The following MAP1B variants were observed in gnomAD, a reference collection of about 807,000 sequenced individuals.
MAP1B encodes the protein microtubule-associated protein 1B.
In MAP1B, 12 loss-of-function variants were observed where a neutral mutation model predicts 176.1. The ratio of observed to expected loss-of-function variants is 0.07; its 90% CI spans 0.04 to 0.11. The LOEUF (loss-of-function observed/expected upper bound fraction) is 0.11. Among genes scored for constraint, MAP1B ranks in the 10% least tolerant of loss-of-function variants. MAP1B has a pLI of 1.00. For synonymous variants in MAP1B, 1,044 were observed against 1,135.0 expected (o/e 0.92, Z 1.61); for missense variants, 2,523 against 2,990.5 (o/e 0.84, Z 3.65).
chr5:72,123,900 A>G (rs1745575796), intron 2 of MAP1B, among the ~76,000 whole-genome samples: 1 of 152,090 alleles, frequency 6.6e-6, no homozygotes, highest in African/African-American at 2.4e-5. Context: ...CAAAGTGTTG[A>G]GATTACAGGT....
chr5:72,133,416 C>T (rs1193448688), intron 2 of MAP1B, among the ~76,000 whole-genome samples: 1 of 152,178 alleles, frequency 6.6e-6, no homozygotes. Context: ...CTTCTTTTTC[C>T]TGTCTTGCAT....
intron 2 of MAP1B, among the ~76,000 whole-genome samples, chr5:72,126,647 T>C (rs931606993): frequency 6.6e-6 from 1 of 152,242 alleles, no homozygotes; most frequent in Admixed American, 6.5e-5. Flanking sequence ...GTCTCATCAC[T>C]CGTATGTAGA....
At chr5:72,200,772 G>GGTTTCCA (rs1747317779) in intron 5 of MAP1B, among the ~76,000 whole-genome samples, 1 of 152,192 alleles carries the variant, frequency 6.6e-6, no homozygotes, top group Non-Finnish European at 1.5e-5. Flanking sequence ...AGGAGAACCA[G>GGTTTCCA]AGGTTTCACA....
intron 2 of MAP1B, among the ~76,000 whole-genome samples, chr5:72,123,629 C>T (rs905482466): frequency 2.0e-4 from 30 of 152,058 alleles, no homozygotes; most frequent in African/African-American, 1.2e-4. Context: ...GGACTACAGG[C>T]GCCCGCCACG....
intron 2 of MAP1B, among the ~76,000 whole-genome samples, chr5:72,148,500 A>G (rs971237504): frequency 6.6e-6 from 1 of 152,240 alleles, no homozygotes; most frequent in Non-Finnish European, 1.5e-5. Context: ...CATCAGAACC[A>G]CTTGGTAGGG....
chr5:72,203,497 A>G, intron 5 of MAP1B, 66 bp from the exon 6 acceptor site: 1 of 1,127,620 alleles, frequency 8.9e-7, no homozygotes, highest in Non-Finnish European at 1.3e-6. Context: ...AGTGGGGAAC[A>G]TGTGCTGGAT....
In MAP1B at chr5:72,197,889, T is replaced by C. The variant is rs1300333860; in HGVS notation, c.4534T>C (p.Ser1512Pro). The change falls in exon 5 of 7, where the codon TCT (serine) becomes CCT (proline). Residue 1512 changes from serine (S) to proline (P), a missense_variant. Ser to Pro is a moderately conservative substitution (Grantham distance 74). Around this residue, in one of 4 missense-constraint regions of MAP1B, gnomAD observed 1,925 missense variants for 2,126.0 expected, o/e 0.91. Coordinates refer to ENST00000296755, the MANE Select transcript of MAP1B (RefSeq NM_005909.5). ...PTQIDVSQFGSFKEDTKMSIS... is the reference protein window; with the variant it reads ...PTQIDVSQFGPFKEDTKMSIS... Reference sequence around the variant, plus strand: ...ACAAATAGATGTCAGTCAGTTTGGATCTTTTAAAGAAGACACTAAGATGTC... The same window carrying C: ...ACAAATAGATGTCAGTCAGTTTGGACCTTTTAAAGAAGACACTAAGATGTC... 6.2e-7 allele frequency: 1 copy of C among 1,614,234 alleles called. No individual in the cohort carries two copies. Among genetic ancestry groups the C allele is most frequent in the Admixed American group, 1.7e-5 (1 of 60,030 alleles).
intron 2 of MAP1B, chr5:72,179,870 G>A: frequency 1.0e-6 from 1 of 985,488 alleles, no homozygotes; most frequent in Non-Finnish European, 1.2e-6. Context: ...TGAATTCCTG[G>A]GCAAACTGGT....
At chr5:72,176,182 C>T (rs1447074533) in intron 2 of MAP1B, among the ~76,000 whole-genome samples, 2 of 152,230 alleles carry the variant, frequency 1.3e-5, no homozygotes, top group Admixed American at 6.5e-5. Context: ...CCATAGTGCC[C>T]TGCTGGGTCC....
At position 72,199,864 on chromosome 5, in the gene MAP1B, C is replaced by T. The variant is rs1242996203; in HGVS notation, c.6509C>T (p.Pro2170Leu). Residue 2170 changes from proline to leucine, a missense_variant, in exon 5 of 7, where the codon CCC becomes CTC. Pro to Leu is a moderately conservative substitution (Grantham distance 98). This residue lies in a region of MAP1B where 287 missense variants were observed against 401.5 expected (regional missense o/e 0.71). Coordinates refer to ENST00000296755, the MANE Select transcript of MAP1B (RefSeq NM_005909.5). This position sits in a 1 kb window ranked among gnomAD's most constrained non-coding sequence, Gnocchi z 4.2. ...SDVPPETEECPSITADANIDS... is the reference protein window; with the variant it reads ...SDVPPETEECLSITADANIDS... ...GTTCCCCCGGAGACTGAAGAGTGCC[C>T]CTCCATCACGGCCGATGCCAATATC... 2 of 1,614,172 alleles carry T rather than the reference C, an allele frequency of 1.2e-6. No individual in the cohort carries two copies. The highest frequency in any genetic ancestry group is 2.2e-5 in the South Asian group (2 of 91,070).
At chr5:72,112,494 C>T (rs1169881311) in intron 1 of MAP1B, among the ~76,000 whole-genome samples, 1 of 152,154 alleles carries the variant, frequency 6.6e-6, no homozygotes, top group African/African-American at 2.4e-5. Flanking sequence ...ATGACCCCTC[C>T]CTGCCTCCCT....
At position 72,196,427 on chromosome 5, in the gene MAP1B, C is replaced by T. The variant is rs1195432528; in HGVS notation, c.3072C>T (p.Asp1024=). Residue 1024 remains aspartate, a synonymous_variant, in exon 5 of 7, where the codon GAC becomes GAT. Coordinates refer to ENST00000296755, the MANE Select transcript of MAP1B (RefSeq NM_005909.5). The surrounding 1 kb of genome is among the most constrained non-coding windows in gnomAD (Gnocchi z 5.3). ...EQSEEEADEE[D]KAEDAREEEY... is the part of the protein sequence containing the mutation. ...CTGAAGAGGAGGCTGATGAGGAGGA[C>T]AAAGCTGAAGATGCCAGAGAGGAGG... 1 of 1,613,658 alleles carries T rather than the reference C, an allele frequency of 6.2e-7. No homozygotes were observed. Among genetic ancestry groups the T allele is most frequent in the Non-Finnish European group, 8.5e-7 (1 of 1,179,968 alleles).
intron 2 of MAP1B, among the ~76,000 whole-genome samples, chr5:72,163,725 C>T (rs950696079): frequency 6.6e-6 from 1 of 152,066 alleles, no homozygotes; most frequent in Admixed American, 6.6e-5. Flanking sequence ...TGGATACCTG[C>T]ACATTACTCC....
chr5:72,134,543 G>A (rs1745796309), intron 2 of MAP1B, among the ~76,000 whole-genome samples: 7 of 151,922 alleles, frequency 4.6e-5, no homozygotes, highest in Admixed American at 3.9e-4. Flanking sequence ...GCTTCATTTT[G>A]TTAACGGAAG....
chr5:72,146,717 C>G (rs1326451635), intron 2 of MAP1B, among the ~76,000 whole-genome samples: 1 of 152,098 alleles, frequency 6.6e-6, no homozygotes, highest in African/African-American at 2.4e-5. Context: ...TTCTGAAGAC[C>G]CTCAAATACC....
chr5:72,109,118 C>G (rs1053253233), intron 1 of MAP1B, among the ~76,000 whole-genome samples: 3 of 152,118 alleles, frequency 2.0e-5, no homozygotes, highest in African/African-American at 7.2e-5. Flanking sequence ...TTGTCATCTG[C>G]CTCTGCAGTT....
At chr5:72,164,288 G>C (rs1746387396) in intron 2 of MAP1B, among the ~76,000 whole-genome samples, 1 of 152,106 alleles carries the variant, frequency 6.6e-6, no homozygotes, top group African/African-American at 2.4e-5. Context: ...GGTTCCCAGG[G>C]TTTTCACAAG....
intron 2 of MAP1B, among the ~76,000 whole-genome samples, chr5:72,175,138 C>T (rs1039616400): frequency 1.4e-5 from 2 of 146,954 alleles, no homozygotes; most frequent in African/African-American, 5.0e-5. Context: ...GATCTCGGCT[C>T]ACTACAGCCT....
In MAP1B at chr5:72,115,789, T is replaced by G. The variant is rs1316898338; in HGVS notation, c.276T>G (p.Pro92=). ...CTCGACACTCTGCAAGATTCTCTCC[T>G]GAAGTCCCAGGTGAGGCTTCCGCTC... ...FVSRHSARFS[P]EVPGQKILHH... Residue 92 remains proline (P), a synonymous_variant, in exon 2 of 7, where the codon CCT becomes CCG. Transcript: ENST00000296755. 1 of 1,612,356 alleles carries G rather than the reference T, an allele frequency of 6.2e-7. No individual in the cohort carries two copies. The highest frequency in any genetic ancestry group is 8.5e-7 in the Non-Finnish European group (1 of 1,178,418).
Sources: gnomAD v4.1 joint callset for allele counts (sites outside exome capture counted in the v4.1 genomes callset) on GRCh38, gnomAD v4.1.1 for gene constraint, gnomAD v4.1.1 regional missense constraint, Gnocchi (gnomAD v3.1) non-coding constraint, MANE v1.5 for transcripts, NCBI Gene and HGNC (gene_info 2026-07-23, HGNC 2026-07-21) for gene names.